CHRM3: variants seen among roughly 807,000 people sequenced by gnomAD.
CHRM3 encodes cholinergic receptor muscarinic 3, also known as muscarinic acetylcholine receptor M3.
CHRM3 carries 11 observed loss-of-function variants against 41.8 expected under a neutral mutation model. The observed-to-expected ratio is 0.26, with a 90% CI of 0.17 to 0.44. The LOEUF is 0.44. Ranked by LOEUF, CHRM3 falls within the 20% of genes least tolerant of loss-of-function variation. The pLI is 1.00. For missense variants in CHRM3, 571 were observed against 745.4 expected (o/e 0.77, Z 2.72); for synonymous variants, 297 against 301.4 (o/e 0.99, Z 0.15).
chr1:239,545,542 A>T (rs375324730), intron 2 of CHRM3, 99 bp from the exon 3 acceptor site: 1 of 152,014 alleles, frequency 6.6e-6, no homozygotes, highest in Non-Finnish European at 1.5e-5. Flanking sequence ...ACATCTTTTT[A>T]TTATTATTAT....
intron 1 of CHRM3, among the ~76,000 whole-genome samples, chr1:239,429,783 G>GT (rs58638166): frequency 2.4e-3 from 325 of 132,820 alleles, no homozygotes; most frequent in Middle Eastern, 8.3e-3. Flanking sequence ...CTCGTAGGGA[G>GT]TTTTTTTTTT....
chr1:239,632,541 A>G (rs143710557), intron 4 of CHRM3, among the ~76,000 whole-genome samples: 301 of 152,316 alleles, frequency 2.0e-3, no homozygotes, highest in African/African-American at 6.7e-3. Context: ...TCAAATGCAC[A>G]TTTGTATTTA....
At chr1:239,602,116 A>G (rs200750448) in intron 3 of CHRM3, among the ~76,000 whole-genome samples, 259 of 21,424 alleles carry the variant, frequency 0.012, 2 homozygotes, top group African/African-American at 0.027. Flanking sequence ...GTGTGTATAT[A>G]TATATATATA....
intron 1 of CHRM3, among the ~76,000 whole-genome samples, chr1:239,405,319 T>C (rs1660509570): frequency 6.6e-6 from 1 of 152,274 alleles, no homozygotes; most frequent in African/African-American, 2.4e-5. Flanking sequence ...GCTAGTTACG[T>C]TTTTTTAAGT....
intron 4 of CHRM3, among the ~76,000 whole-genome samples, chr1:239,672,072 G>C (rs1260360160): frequency 6.6e-6 from 1 of 152,172 alleles, no homozygotes; most frequent in Admixed American, 6.5e-5. Context: ...TTATGCACAA[G>C]ACAGGGATCC....
intron 1 of CHRM3, among the ~76,000 whole-genome samples, chr1:239,399,329 C>A (rs1408433147): frequency 1.4e-5 from 2 of 146,820 alleles, no homozygotes; most frequent in East Asian, 3.9e-4. Flanking sequence ...TATCCATGAC[C>A]TCTGATTTTT....
chr1:239,899,307 GTA>G (rs746317418), intron 6 of CHRM3, among the ~76,000 whole-genome samples: 8,851 of 106,458 alleles, frequency 0.083, 718 homozygotes, highest in African/African-American at 0.3. Flanking sequence ...GTGTGTGTGT[GTA>G]TATACACACA....
chr1:239,775,816 G>A (rs1238122438), intron 5 of CHRM3, among the ~76,000 whole-genome samples: 1 of 152,180 alleles, frequency 6.6e-6, no homozygotes, highest in African/African-American at 2.4e-5. Context: ...TGAAGGCTTG[G>A]AACTGCTGCT....
At chr1:239,563,616 C>T (rs1250980582) in intron 3 of CHRM3, among the ~76,000 whole-genome samples, 2 of 151,954 alleles carry the variant, frequency 1.3e-5, no homozygotes, top group East Asian at 3.9e-4. Context: ...CGATTTGTTT[C>T]AAGAGAAGGA....
intron 5 of CHRM3, among the ~76,000 whole-genome samples, chr1:239,694,628 A>C (rs1398295019): frequency 6.6e-6 from 1 of 152,150 alleles, no homozygotes; most frequent in Admixed American, 6.5e-5. Context: ...TTTCATTTTT[A>C]CCTTAAGGAT....
chr1:239,651,133 G>A (rs947952766), intron 4 of CHRM3, among the ~76,000 whole-genome samples: 1 of 152,128 alleles, frequency 6.6e-6, no homozygotes, highest in Non-Finnish European at 1.5e-5. Context: ...TGTAACTTAC[G>A]TTGGAGATCC....
At chr1:239,406,446 TA>T (rs1283236094) in intron 1 of CHRM3, among the ~76,000 whole-genome samples, 1 of 152,188 alleles carries the variant, frequency 6.6e-6, no homozygotes, top group East Asian at 1.9e-4. Context: ...CACCATCAGC[TA>T]TAGGAGTCCA....
At chr1:239,733,712 T>C (rs1177515617) in intron 5 of CHRM3, among the ~76,000 whole-genome samples, 1 of 152,070 alleles carries the variant, frequency 6.6e-6, no homozygotes, top group Non-Finnish European at 1.5e-5. Flanking sequence ...TAATTTTGAA[T>C]TAAAGTAAGC....
At chr1:239,825,129 T>G (rs1672351443) in intron 5 of CHRM3, among the ~76,000 whole-genome samples, 1 of 152,232 alleles carries the variant, frequency 6.6e-6, no homozygotes, top group South Asian at 2.1e-4. Context: ...CGGATGCCTT[T>G]TTAATTCTGA....
chr1:239,763,705 A>G (rs1011645065), intron 5 of CHRM3, among the ~76,000 whole-genome samples: 1 of 152,070 alleles, frequency 6.6e-6, no homozygotes, highest in African/African-American at 2.4e-5. Context: ...TTCAAGAAAA[A>G]AGGACTCATT....
rs192573256 is a variant in CHRM3 at position 239,711,361 on chromosome 1, A to C, written c.-147+33073A>C. On this transcript the variant is annotated intron_variant, in intron 5 of 6. Transcript: ENST00000676153. ...CATTACTCAGAGTTTACTCCTGCTC[A>C]GTCCCCAGTGTCTGCACTCCTCTTT... is the stretch of plus-strand genomic sequence containing the variant. 5.7e-3 allele frequency among the ~76,000 whole-genome samples: 870 copies of C among 152,166 alleles called. 9 individuals are homozygous for C. Among genetic ancestry groups the C allele is most frequent in the African/African-American group, 0.02 (836 of 41,508 alleles).
intron 6 of CHRM3, among the ~76,000 whole-genome samples, chr1:239,853,543 A>G (rs1674868779): frequency 6.6e-6 from 1 of 151,996 alleles, no homozygotes; most frequent in African/African-American, 2.4e-5. Flanking sequence ...ATATTATAAG[A>G]CATTGCCTTT....
At chr1:239,667,079 A>G (rs755850254) in intron 4 of CHRM3, among the ~76,000 whole-genome samples, 1 of 152,118 alleles carries the variant, frequency 6.6e-6, no homozygotes, top group Admixed American at 6.6e-5. Flanking sequence ...GCTGTTGTGC[A>G]GGTAGATCAT....
intron 3 of CHRM3, among the ~76,000 whole-genome samples, chr1:239,552,627 A>ATATTAT (rs78726802): frequency 0.33 from 45,595 of 139,510 alleles, 7,942 homozygotes; most frequent in East Asian, 0.48. Context: ...CACCTGACTA[A>ATATTAT]TATTATTATT....
Sources: gnomAD v4.1 joint callset for allele counts (sites outside exome capture counted in the v4.1 genomes callset) on GRCh38, gnomAD v4.1.1 for gene constraint, MANE v1.5 for transcripts, NCBI Gene and HGNC (gene_info 2026-07-23, HGNC 2026-07-21) for gene names.